Variants in ZNF560 observed in about 807,000 individuals in gnomAD.
ZNF560 encodes zinc finger protein 560.
A neutral mutation model predicts 81.8 loss-of-function variants in ZNF560; 54 were observed. That is an observed-to-expected ratio of 0.66 (90% CI 0.53 to 0.83). The LOEUF (loss-of-function observed/expected upper bound fraction) is 0.83, where lower values mean the gene tolerates loss of function less well. Among genes scored for constraint, ZNF560 ranks in the 40% least tolerant of loss-of-function variants. The probability of loss-of-function intolerance (pLI) is 0.00; values close to 1 mark genes in which losing one functional copy is unlikely to be tolerated. For missense variants in ZNF560, 940 were observed against 932.4 expected (o/e 1.01, Z -0.11); for synonymous variants, 321 against 317.9 (o/e 1.01, Z -0.10).
At chr19:9,481,005 G>T (rs2073279856) in intron 2 of ZNF560, among the ~76,000 whole-genome samples, 1 of 151,124 alleles carries the variant, frequency 6.6e-6, no homozygotes, top group South Asian at 2.1e-4. Context: ...GATAGCTTGA[G>T]CCCAGGAGAG....
At chr19:9,446,211 C>T in the ZNF560 span, among the ~76,000 whole-genome samples, 214 of 150,286 alleles carry the variant, frequency 1.4e-3, 3 homozygotes, top group Middle Eastern at 0.014. Context: ...GTACTTTGAA[C>T]GCTGATTTTT....
chr19:9,469,994 AC>A, intron 7 of ZNF560: 1 of 441,338 alleles, frequency 2.3e-6, no homozygotes, highest in Non-Finnish European at 4.0e-6. Flanking sequence ...AACCACTAAA[AC>A]CTTTATTAAA....
the ZNF560 span, among the ~76,000 whole-genome samples, chr19:9,460,479 C>G: frequency 6.6e-6 from 1 of 152,190 alleles, no homozygotes; most frequent in East Asian, 1.9e-4. Flanking sequence ...CTGGACCCCC[C>G]AGTGGAGGTA....
At chr19:9,477,922 C>A (rs763878648) in intron 2 of ZNF560, among the ~76,000 whole-genome samples, 1 of 151,988 alleles carries the variant, frequency 6.6e-6, no homozygotes, top group Non-Finnish European at 1.5e-5. Context: ...ATCAAAAGAG[C>A]AAATTTTTGA....
In ZNF560 at chr19:9,469,720, G is replaced by A; in HGVS notation, c.449-10C>T. Reference sequence around the variant, plus strand: ...TTGAAGAGCTGGTAACCTGTACACAGGGAAAGATACACCAATGGAAGAGGC... The same window carrying A: ...TTGAAGAGCTGGTAACCTGTACACAAGGAAAGATACACCAATGGAAGAGGC... On this transcript the variant is annotated splice_polypyrimidine_tract_variant and intron_variant, in intron 7 of 9. Transcript: ENST00000301480. The A allele has an allele frequency of 6.2e-7, 1 of 1,613,632 alleles. No individual in the cohort carries two copies. The highest frequency in any genetic ancestry group is 1.1e-5 in the South Asian group (1 of 91,062).
upstream of ZNF560, among the ~76,000 whole-genome samples, chr19:9,501,089 C>G (rs937419456): frequency 6.7e-6 from 1 of 149,820 alleles, no homozygotes; most frequent in Admixed American, 6.7e-5. Context: ...ATATGATTTG[C>G]TAATATTTTT....
chr19:9,467,988 T>C lies in ZNF560; in HGVS notation c.959A>G (p.Asn320Ser). 5 of 1,614,172 alleles carry C rather than the reference T, an allele frequency of 3.1e-6. No individual in the cohort carries two copies. Among genetic ancestry groups the C allele is most frequent in the African/African-American group, 1.3e-5 (1 of 75,048 alleles). Reference sequence around the variant, plus strand: ...TGCTTCCCCACATTGCTTCCATTCATTGAGTTTTTCTCCACTCTGAGTTTT... The same window carrying C: ...TGCTTCCCCACATTGCTTCCATTCACTGAGTTTTTCTCCACTCTGAGTTTT... ...HRKTQSGEKLNEWKQCGEAFT... is the reference protein window; with the variant it reads ...HRKTQSGEKLSEWKQCGEAFT... Residue 320 changes from asparagine (N) to serine (S), a missense_variant, in exon 10 of 10, where the codon AAT (asparagine) becomes AGT (serine). By Grantham distance (46) the Asn-to-Ser change is conservative. Coordinates refer to ENST00000301480, the MANE Select transcript of ZNF560 (RefSeq NM_152476.3).
upstream of ZNF560, among the ~76,000 whole-genome samples, chr19:9,499,547 C>G (rs2073614503): frequency 6.6e-6 from 1 of 152,018 alleles, no homozygotes; most frequent in African/African-American, 2.4e-5. Flanking sequence ...TACTATTTCT[C>G]AAATCTTATC....
At chr19:9,486,374 G>A (rs2073384793) in intron 2 of ZNF560, among the ~76,000 whole-genome samples, 2 of 152,170 alleles carry the variant, frequency 1.3e-5, no homozygotes, top group Admixed American at 1.3e-4. Context: ...ATGGTACAGG[G>A]TGGAAAGTAA....
intron 2 of ZNF560, among the ~76,000 whole-genome samples, chr19:9,484,000 C>A (rs190426931): frequency 6.6e-6 from 1 of 151,674 alleles, no homozygotes; most frequent in Non-Finnish European, 1.5e-5. Flanking sequence ...ACCCCCAACC[C>A]GGTGCTCTCT....
chr19:9,468,087 G>T lies in ZNF560; in HGVS notation c.860C>A (p.Thr287Lys), dbSNP rs760516746. ...ILNVQVQRKC[T>K]QDKSFEGTDY... ...AGTGCCTTCAAAGGATTTATCTTGTGTACACTTTCTCTGGACCTGAACATT... is the reference window on the plus strand; with the variant it reads ...AGTGCCTTCAAAGGATTTATCTTGTTTACACTTTCTCTGGACCTGAACATT... The change falls in exon 10 of 10, where the codon ACA (threonine) becomes AAA (lysine). Residue 287 changes from threonine (T) to lysine (K), a missense_variant. By Grantham distance (78) the Thr-to-Lys change is moderately conservative. Coordinates refer to ENST00000301480, the MANE Select transcript of ZNF560 (RefSeq NM_152476.3). 10 of 1,614,042 alleles carry T rather than the reference G, an allele frequency of 6.2e-6. No homozygotes were observed. The East Asian group carries it at 2.2e-4, about 36-fold the overall frequency.
intron 4 of ZNF560, 152 bp downstream of exon 4, chr19:9,474,047 C>G: frequency 2.4e-6 from 2 of 842,798 alleles, no homozygotes; most frequent in Non-Finnish European, 3.9e-6. Flanking sequence ...AACTGGACCA[C>G]ACTTTGAAAA....
At chr19:9,463,470 A>C (rs771947204), downstream of ZNF560, among the ~76,000 whole-genome samples, 7 of 152,300 alleles carry the variant, frequency 4.6e-5, no homozygotes, top group Non-Finnish European at 1.0e-4. Flanking sequence ...TATTTGAGAC[A>C]ATCAGGATGG....
At chr19:9,501,664 T>A (rs1469813029), upstream of ZNF560, among the ~76,000 whole-genome samples, 1 of 150,426 alleles carries the variant, frequency 6.6e-6, no homozygotes, top group African/African-American at 2.4e-5. Flanking sequence ...CCTGGCTAAT[T>A]TTTGTATTTT....
At chr19:9,480,402 TAA>T (rs35284152) in intron 2 of ZNF560, among the ~76,000 whole-genome samples, 60 of 151,982 alleles carry the variant, frequency 3.9e-4, no homozygotes, top group Middle Eastern at 6.8e-3. Flanking sequence ...GCAAAGGATT[TAA>T]AGAGGGCAGT....
Position 9,473,219 on chromosome 19 carries a change from T to C in ZNF560, c.198A>G (p.Glu66=). The C allele has an allele frequency of 1.2e-6, 2 of 1,613,218 alleles. No homozygotes were observed. The highest frequency in any genetic ancestry group is 1.7e-6 in the Non-Finnish European group (2 of 1,179,644). Residue 66 remains glutamate (E), a synonymous_variant, in exon 5 of 10, where the codon GAA becomes GAG. Coordinates refer to ENST00000301480, the MANE Select transcript of ZNF560 (RefSeq NM_152476.3). The part of the protein sequence containing the change: ...LFKPSVISWL[E]EEELRTLQQG... The stretch of plus-strand genomic sequence containing the variant: ...GCTGCAAGGTTCTCAACTCTTCTTC[T>C]TCCAACCAAGAGATGACACTGGGTT...
chr19:9,463,599 C>T (rs2072969489), downstream of ZNF560, among the ~76,000 whole-genome samples: 1 of 152,214 alleles, frequency 6.6e-6, no homozygotes, highest in Non-Finnish European at 1.5e-5. Flanking sequence ...TAATCACACT[C>T]ATACCACAAG....
the ZNF560 span, among the ~76,000 whole-genome samples, chr19:9,449,257 CA>C: frequency 6.6e-6 from 1 of 152,164 alleles, no homozygotes; most frequent in African/African-American, 2.4e-5. Flanking sequence ...AAGCAAGTCT[CA>C]ATAAATTCAT....
chr19:9,495,987 G>T (rs890142334), intron 2 of ZNF560, among the ~76,000 whole-genome samples: 3 of 152,094 alleles, frequency 2.0e-5, no homozygotes, highest in Admixed American at 2.0e-4. Context: ...CTGCCAAATG[G>T]TACAAGACCT....
Sources: allele counts gnomAD v4.1 joint callset (sites outside exome capture counted in the v4.1 genomes callset), GRCh38; gene constraint gnomAD v4.1.1; transcripts MANE v1.5; gene names NCBI Gene and HGNC (gene_info 2026-07-23, HGNC 2026-07-21).